Variants in BABAM2 observed in about 807,000 individuals in gnomAD.
BABAM2 encodes BRISC and BRCA1 A complex member 2.
In BABAM2, 31 loss-of-function variants were observed where a neutral mutation model predicts 54.7. That is an observed-to-expected ratio of 0.57 (90% CI 0.43 to 0.77). The LOEUF (loss-of-function observed/expected upper bound fraction) is 0.77, where lower values mean the gene tolerates loss of function less well. Ranked by LOEUF, BABAM2 falls within the 30% of genes least tolerant of loss-of-function variation. The pLI is 0.00. For missense variants in BABAM2, 364 were observed against 455.8 expected, an observed-to-expected ratio of 0.80 and a Z score of 1.83; for synonymous variants, 167 against 162.9, an observed-to-expected ratio of 1.03 and a Z score of -0.19.
chr2:28,070,778 A>G (rs901815303), intron 6 of BABAM2, among the ~76,000 whole-genome samples: 7 of 152,176 alleles, frequency 4.6e-5, no homozygotes, highest in African/African-American at 7.2e-5. Flanking sequence ...TTATATGGAC[A>G]TTTAAAACCT....
intron 2 of BABAM2, among the ~76,000 whole-genome samples, chr2:27,911,211 G>A (rs1216858415): frequency 6.6e-6 from 1 of 151,988 alleles, no homozygotes; most frequent in African/African-American, 2.4e-5. Context: ...TAGTAGTGTG[G>A]GAACAGACTA....
chr2:27,931,802 G>A (rs2148355878), intron 3 of BABAM2, among the ~76,000 whole-genome samples: 1 of 152,230 alleles, frequency 6.6e-6, no homozygotes, highest in African/African-American at 2.4e-5. Context: ...TAGATACTGT[G>A]TCTTTTGCCT....
intron 7 of BABAM2, among the ~76,000 whole-genome samples, chr2:28,235,646 T>TTTTGTTTGTTTGTTTG (rs369010050): frequency 6.6e-6 from 1 of 151,600 alleles, no homozygotes; most frequent in East Asian, 1.9e-4. Flanking sequence ...TAAACTCTTT[T>TTTTGTTTGTTTGTTTG]TTTGTTTGTT....
intron 10 of BABAM2, among the ~76,000 whole-genome samples, chr2:28,282,477 C>T (rs1573993200): frequency 6.6e-6 from 1 of 152,078 alleles, no homozygotes; most frequent in East Asian, 1.9e-4. Context: ...ATGTCAGAAA[C>T]AAGCAGTAAA....
intron 7 of BABAM2, among the ~76,000 whole-genome samples, chr2:28,216,541 C>T (rs1451529133): frequency 6.6e-6 from 1 of 152,208 alleles, no homozygotes; most frequent in Non-Finnish European, 1.5e-5. Context: ...TGCAGTATAA[C>T]AGACCTATTG....
In BABAM2 at chr2:27,999,988, G is replaced by A. The variant is rs181702613; in HGVS notation, c.300+11901G>A. ...ATCTTTTAATAAAGTTTTAATTTTAGAATTTTTGTTTTAGATTTATAGAAT... is the reference window on the plus strand; with the variant it reads ...ATCTTTTAATAAAGTTTTAATTTTAAAATTTTTGTTTTAGATTTATAGAAT... On this transcript the variant is annotated intron_variant, in intron 4 of 11. Coordinates refer to ENST00000379624, the MANE Select transcript of BABAM2 (RefSeq NM_199191.3). Among the ~76,000 whole-genome samples the A allele has an allele frequency of 3.2e-3, 494 of 152,200 alleles. 2 individuals are homozygous for A. The highest frequency in any genetic ancestry group is 5.3e-3 in the Non-Finnish European group (363 of 67,994).
intron 6 of BABAM2, among the ~76,000 whole-genome samples, chr2:28,085,683 A>G (rs1025194359): frequency 2.0e-5 from 3 of 152,168 alleles, no homozygotes; most frequent in Admixed American, 6.5e-5. Context: ...GTGTCATGCA[A>G]TTGATTCTTC....
intron 10 of BABAM2, among the ~76,000 whole-genome samples, chr2:28,258,244 G>A (rs1203034240): frequency 1.3e-5 from 2 of 152,174 alleles, no homozygotes; most frequent in African/African-American, 4.8e-5. Context: ...CGTAATTCAA[G>A]TGCAAGTCTT....
chr2:27,990,313 C>T (rs1477636687), intron 4 of BABAM2, among the ~76,000 whole-genome samples: 1 of 152,140 alleles, frequency 6.6e-6, no homozygotes, highest in African/African-American at 2.4e-5. Context: ...AGGCCTGATC[C>T]CCAGCAGACA....
At chr2:28,029,470 C>G (rs1474344529) in intron 5 of BABAM2, among the ~76,000 whole-genome samples, 1 of 152,110 alleles carries the variant, frequency 6.6e-6, no homozygotes, top group African/African-American at 2.4e-5. Flanking sequence ...TTTTTTGTGA[C>G]TGCTTATTTC....
At chr2:28,050,316 C>G (rs1243081378) in intron 6 of BABAM2, among the ~76,000 whole-genome samples, 1 of 152,060 alleles carries the variant, frequency 6.6e-6, no homozygotes, top group Non-Finnish European at 1.5e-5. Flanking sequence ...AATTTGTGAC[C>G]CTTGCTCTAA....
At chr2:28,315,420 TTTTTTCTTTTCTTTTC>T (rs1255269523) in intron 11 of BABAM2, among the ~76,000 whole-genome samples, 37 of 141,970 alleles carry the variant, frequency 2.6e-4, no homozygotes, top group African/African-American at 4.5e-4. Context: ...TGTGTGGTTC[TTTTTTCTTTTCTTTTC>T]TTTTCTTTTC....
At chr2:28,100,330 C>A (rs541035858) in intron 6 of BABAM2, among the ~76,000 whole-genome samples, 1 of 151,828 alleles carries the variant, frequency 6.6e-6, no homozygotes, top group Non-Finnish European at 1.5e-5. Flanking sequence ...TGTGGTGGCG[C>A]GTGCCTGTAA....
intron 6 of BABAM2, among the ~76,000 whole-genome samples, chr2:28,090,067 G>T (rs572675857): frequency 2.0e-5 from 3 of 151,958 alleles, no homozygotes; most frequent in Non-Finnish European, 4.4e-5. Flanking sequence ...TTCCATTTCC[G>T]TGTTCAGATT....
At chr2:28,164,751 C>T (rs776218339) in intron 7 of BABAM2, among the ~76,000 whole-genome samples, 1 of 152,046 alleles carries the variant, frequency 6.6e-6, no homozygotes, top group Non-Finnish European at 1.5e-5. Context: ...TGTATCTTGG[C>T]GCTTCTTCCC....
chr2:28,285,761 G>A (rs1686741012), intron 10 of BABAM2, among the ~76,000 whole-genome samples: 1 of 151,382 alleles, frequency 6.6e-6, no homozygotes, highest in Non-Finnish European at 1.5e-5. Context: ...ATGGAAACGG[G>A]ATCTTGCTAT....
At chr2:28,298,264 G>A (rs1687850439) in intron 10 of BABAM2, 74 bp from the exon 11 acceptor site, 24 of 1,490,702 alleles carry the variant, frequency 1.6e-5, no homozygotes, top group Non-Finnish European at 1.9e-5. Flanking sequence ...CCTAACATTC[G>A]GATTTAGTCA....
rs191319612 is a variant in BABAM2, at chr2:28,112,303, A to G, written c.571-16968A>G. On this transcript the variant is annotated intron_variant, in intron 6 of 11. Transcript: ENST00000379624. ...TACATGTGCCATGCTGGTTTGCTGT[A>G]CCCACCAACCTGTCATCTACATTAG... Among the ~76,000 whole-genome samples, 396 of 149,670 alleles carry G rather than the reference A, an allele frequency of 2.6e-3. 2 individuals are homozygous for G. Among genetic ancestry groups the G allele is most frequent in the African/African-American group, 8.2e-3 (331 of 40,520 alleles).
chr2:28,263,789 G>A (rs981993353), intron 10 of BABAM2, among the ~76,000 whole-genome samples: 4 of 152,198 alleles, frequency 2.6e-5, no homozygotes, highest in South Asian at 2.1e-4. Flanking sequence ...GAGGTGCTAC[G>A]GGGCTCCCCA....
Sources: gnomAD v4.1 joint callset for allele counts (sites outside exome capture counted in the v4.1 genomes callset) on GRCh38, gnomAD v4.1.1 for gene constraint, MANE v1.5 for transcripts, NCBI Gene and HGNC (gene_info 2026-07-23, HGNC 2026-07-21) for gene names.